Variants in EPHB1 observed in about 807,000 individuals in gnomAD.
EPHB1 encodes ephrin type-B receptor 1.
In EPHB1, 30 loss-of-function variants were observed where a neutral mutation model predicts 94.4. The ratio of observed to expected loss-of-function variants is 0.32; its 90% CI spans 0.24 to 0.43. The LOEUF is 0.43. Ranked by LOEUF, EPHB1 falls within the 20% of genes least tolerant of loss-of-function variation. The pLI is 1.00. For missense variants in EPHB1, 1,055 were observed against 1,308.3 expected (o/e 0.81, Z 2.99); for synonymous variants, 522 against 489.1 (o/e 1.07, Z -0.89).
At chr3:135,067,787 C>T (rs1937601398) in intron 3 of EPHB1, 1 of 152,414 alleles carries the variant, frequency 6.6e-6, no homozygotes, top group Non-Finnish European at 1.5e-5. Flanking sequence ...CTCTGGCTGC[C>T]CTCCTGAGGG....
chr3:134,927,816 A>C (rs927847339), intron 2 of EPHB1, among the ~76,000 whole-genome samples: 1 of 152,150 alleles, frequency 6.6e-6, no homozygotes, highest in South Asian at 2.1e-4. Flanking sequence ...CCCAACACTC[A>C]TTGTGAGGCA....
At chr3:135,199,388 T>A (rs979900333) in intron 11 of EPHB1, among the ~76,000 whole-genome samples, 2 of 152,152 alleles carry the variant, frequency 1.3e-5, no homozygotes, top group African/African-American at 4.8e-5. Context: ...TTGATTGAAG[T>A]GTATTAGTGA....
At chr3:134,886,338 G>A (rs577752157) in intron 1 of EPHB1, among the ~76,000 whole-genome samples, 1 of 152,326 alleles carries the variant, frequency 6.6e-6, no homozygotes, top group Non-Finnish European at 1.5e-5. Flanking sequence ...CTACGTGCTT[G>A]ACAGGAAGTA....
At chr3:135,081,564 T>C (rs78913629) in intron 3 of EPHB1, among the ~76,000 whole-genome samples, 2 of 152,288 alleles carry the variant, frequency 1.3e-5, no homozygotes, top group Admixed American at 6.5e-5. Context: ...CAAAATGTCA[T>C]GTCTGCCAAA....
At chr3:134,990,221 A>T (rs890375910) in intron 3 of EPHB1, among the ~76,000 whole-genome samples, 10 of 152,228 alleles carry the variant, frequency 6.6e-5, no homozygotes, top group Middle Eastern at 3.2e-3. Context: ...GAGAAGTCTG[A>T]AGCTAACCTA....
chr3:134,927,939 C>A (rs1341563452), intron 2 of EPHB1, among the ~76,000 whole-genome samples: 1 of 152,210 alleles, frequency 6.6e-6, no homozygotes, highest in Non-Finnish European at 1.5e-5. Flanking sequence ...AAAGGAGGAT[C>A]AAGGACTATG....
At chr3:135,059,604 G>C (rs1277386348) in intron 3 of EPHB1, among the ~76,000 whole-genome samples, 2 of 152,190 alleles carry the variant, frequency 1.3e-5, no homozygotes, top group African/African-American at 4.8e-5. Flanking sequence ...GTTGGAGTTC[G>C]TTGACTGTGA....
At chr3:135,255,163 G>A (rs1176952352) in intron 15 of EPHB1, among the ~76,000 whole-genome samples, 2 of 151,856 alleles carry the variant, frequency 1.3e-5, no homozygotes, top group East Asian at 3.9e-4. Context: ...CAAAAAACCA[G>A]CTCCTGGATT....
intron 3 of EPHB1, among the ~76,000 whole-genome samples, chr3:135,089,041 C>T (rs1938467585): frequency 6.6e-6 from 1 of 152,206 alleles, no homozygotes; most frequent in Non-Finnish European, 1.5e-5. Flanking sequence ...GGTTGTAGGA[C>T]TTGCTTTCCA....
At chr3:134,828,875 G>T (rs2036532652) in intron 1 of EPHB1, among the ~76,000 whole-genome samples, 1 of 152,186 alleles carries the variant, frequency 6.6e-6, no homozygotes, top group African/African-American at 2.4e-5. Context: ...GCCACCCCAA[G>T]ATTTCCTGTA....
At chr3:135,166,279 G>A (rs1941650050) in intron 8 of EPHB1, among the ~76,000 whole-genome samples, 1 of 152,182 alleles carries the variant, frequency 6.6e-6, no homozygotes, top group Non-Finnish European at 1.5e-5. Context: ...AAGGCTATGA[G>A]TAAACAGCAT....
chr3:135,045,862 G>A (rs1936982828), intron 3 of EPHB1, among the ~76,000 whole-genome samples: 1 of 152,202 alleles, frequency 6.6e-6, no homozygotes, highest in South Asian at 2.1e-4. Flanking sequence ...CATTGACTAG[G>A]TTTAAGATTC....
At chr3:134,936,716 A>C (rs1234816344) in intron 2 of EPHB1, among the ~76,000 whole-genome samples, 1 of 152,212 alleles carries the variant, frequency 6.6e-6, no homozygotes, top group Non-Finnish European at 1.5e-5. Flanking sequence ...TACATTTCCC[A>C]GTGTCACGAA....
chr3:135,034,047 C>G (rs1250147236), intron 3 of EPHB1, among the ~76,000 whole-genome samples: 3 of 149,668 alleles, frequency 2.0e-5, no homozygotes, highest in Non-Finnish European at 3.0e-5. Context: ...CTCTGCTTCT[C>G]TTTTTTTTTT....
intron 15 of EPHB1, among the ~76,000 whole-genome samples, chr3:135,256,648 A>C (rs1206434473): frequency 6.6e-6 from 1 of 152,144 alleles, no homozygotes; most frequent in Non-Finnish European, 1.5e-5. Flanking sequence ...GGCTGCCCTT[A>C]ACATTTTTTC....
chr3:134,910,523 T>A (rs1178154071), intron 1 of EPHB1, among the ~76,000 whole-genome samples: 1 of 152,208 alleles, frequency 6.6e-6, no homozygotes, highest in Non-Finnish European at 1.5e-5. Context: ...GTCAATGCTA[T>A]TGATTGGGAA....
chr3:135,180,499 C>T (rs781351422), intron 10 of EPHB1, among the ~76,000 whole-genome samples: 4 of 152,078 alleles, frequency 2.6e-5, no homozygotes, highest in Non-Finnish European at 4.4e-5. Context: ...TGTTTGTTTT[C>T]TTTGTTTGTT....
At chr3:135,029,833 C>T (rs1360652018) in intron 3 of EPHB1, among the ~76,000 whole-genome samples, 1 of 152,016 alleles carries the variant, frequency 6.6e-6, no homozygotes, top group Non-Finnish European at 1.5e-5. Context: ...CAACTTGGTT[C>T]CATTCTCCCC....
intron 4 of EPHB1, among the ~76,000 whole-genome samples, chr3:135,128,022 A>G (rs546283443): frequency 6.6e-6 from 1 of 152,368 alleles, no homozygotes; most frequent in African/African-American, 2.4e-5. Context: ...AACAGAATGC[A>G]TTCATCAGAA....
Sources: allele counts gnomAD v4.1 joint callset (sites outside exome capture counted in the v4.1 genomes callset), GRCh38; gene constraint gnomAD v4.1.1; transcripts MANE v1.5; gene names NCBI Gene and HGNC (gene_info 2026-07-23, HGNC 2026-07-21).